UBE2E2: variants seen among roughly 807,000 people sequenced by gnomAD.
UBE2E2 encodes ubiquitin conjugating enzyme E2 E2.
In UBE2E2, 6 loss-of-function variants were observed where a neutral mutation model predicts 24.7. The ratio of observed to expected loss-of-function variants is 0.24; its 90% CI spans 0.13 to 0.48. UBE2E2 has a LOEUF of 0.48. Among genes scored for constraint, UBE2E2 ranks in the 20% least tolerant of loss-of-function variants. The probability of loss-of-function intolerance (pLI) is 0.99; values close to 1 mark genes in which losing one functional copy is unlikely to be tolerated. For synonymous variants in UBE2E2, 104 were observed against 83.6 expected, an observed-to-expected ratio of 1.24 and a Z score of -1.33; for missense variants, 169 against 245.0, an observed-to-expected ratio of 0.69 and a Z score of 2.07.
At chr3:23,455,037 G>GTC (rs1315152216) in intron 3 of UBE2E2, among the ~76,000 whole-genome samples, 5 of 118,772 alleles carry the variant, frequency 4.2e-5, no homozygotes, top group Admixed American at 7.9e-5. Flanking sequence ...CCTAACCCAG[G>GTC]TCTCTGCATG....
At chr3:23,546,622 C>T (rs1333982096) in intron 5 of UBE2E2, among the ~76,000 whole-genome samples, 1 of 151,380 alleles carries the variant, frequency 6.6e-6, no homozygotes, top group East Asian at 1.9e-4. Context: ...TACAGGCATG[C>T]ACCACCACGC....
At chr3:23,554,893 T>C (rs1695738354) in intron 5 of UBE2E2, among the ~76,000 whole-genome samples, 1 of 152,008 alleles carries the variant, frequency 6.6e-6, no homozygotes, top group African/African-American at 2.4e-5. Context: ...AGAAAACATA[T>C]AATCCACTGG....
chr3:23,397,762 A>G (rs899731717), intron 3 of UBE2E2, among the ~76,000 whole-genome samples: 2 of 152,242 alleles, frequency 1.3e-5, no homozygotes, highest in Non-Finnish European at 2.9e-5. Context: ...ACATTTATCT[A>G]TTTCACTGTT....
chr3:23,369,464 A>G (rs1188029333), intron 3 of UBE2E2, among the ~76,000 whole-genome samples: 2 of 152,198 alleles, frequency 1.3e-5, no homozygotes, highest in African/African-American at 4.8e-5. Flanking sequence ...TTGCATTCTT[A>G]AAGCTACCAG....
At chr3:23,346,439 A>C (rs1306203631) in intron 3 of UBE2E2, among the ~76,000 whole-genome samples, 1 of 152,218 alleles carries the variant, frequency 6.6e-6, no homozygotes, top group Non-Finnish European at 1.5e-5. Context: ...CATGACTTTC[A>C]GTAAAATGTA....
At position 23,590,298 on chromosome 3, in the gene UBE2E2, T is replaced by C. The variant is rs752443331; in HGVS notation, c.*467T>C. 18 of 156,350 alleles carry C rather than the reference T, an allele frequency of 1.2e-4. No homozygotes were observed. The highest frequency in any genetic ancestry group is 2.6e-4 in the Non-Finnish European group (18 of 70,366). 9.7% of individuals were successfully genotyped at this position (156,350 alleles called of 1,614,324 possible). ...TCTACTTAAATGTAGTGCTTAGGGT[T>C]AATTTTTTGTACTGAAGTCTTTATT... is the stretch of plus-strand genomic sequence containing the variant. On this transcript the variant is annotated 3_prime_UTR_variant, in exon 6 of 6. Transcript: ENST00000396703.
At chr3:23,342,058 G>C (rs1364322352) in intron 3 of UBE2E2, among the ~76,000 whole-genome samples, 2 of 152,170 alleles carry the variant, frequency 1.3e-5, no homozygotes, top group African/African-American at 4.8e-5. Context: ...TTACAGTGGA[G>C]ACTTTGAAAT....
At chr3:23,245,077 T>C (rs1042157087) in intron 3 of UBE2E2, among the ~76,000 whole-genome samples, 1 of 152,244 alleles carries the variant, frequency 6.6e-6, no homozygotes, top group African/African-American at 2.4e-5. Flanking sequence ...TTTGGGCTTA[T>C]TACGGTCTAG....
chr3:23,523,519 A>G (rs1433055749), intron 4 of UBE2E2, among the ~76,000 whole-genome samples: 1 of 145,256 alleles, frequency 6.9e-6, no homozygotes, highest in Non-Finnish European at 1.5e-5. Context: ...TCACAGCTGG[A>G]TAGGTGTCAT....
intron 3 of UBE2E2, among the ~76,000 whole-genome samples, chr3:23,350,941 C>T (rs1187859719): frequency 2.0e-5 from 3 of 152,128 alleles, no homozygotes; most frequent in East Asian, 3.8e-4. Context: ...TTGTCAGATT[C>T]ACCAAAGTTG....
At chr3:23,541,067 G>C (rs904262835) in intron 5 of UBE2E2, among the ~76,000 whole-genome samples, 1 of 152,218 alleles carries the variant, frequency 6.6e-6, no homozygotes. Context: ...TAATTATTCA[G>C]TAATTGACTT....
At chr3:23,482,836 T>C (rs1056528182) in intron 3 of UBE2E2, among the ~76,000 whole-genome samples, 5 of 152,166 alleles carry the variant, frequency 3.3e-5, no homozygotes, top group African/African-American at 1.2e-4. Flanking sequence ...TTAAAGAAGA[T>C]GATGAATGTG....
intron 3 of UBE2E2, among the ~76,000 whole-genome samples, chr3:23,244,426 G>T (rs920354592): frequency 5.9e-5 from 9 of 152,074 alleles, no homozygotes; most frequent in Non-Finnish European, 1.3e-4. Context: ...TGACTTTTCT[G>T]TATTTGTGTG....
intron 3 of UBE2E2, among the ~76,000 whole-genome samples, chr3:23,492,070 T>C (rs780388140): frequency 1.3e-5 from 2 of 152,170 alleles, no homozygotes; most frequent in Middle Eastern, 3.4e-3. Flanking sequence ...GTGAAGAGAC[T>C]AGGTAGCTGA....
At chr3:23,500,914 A>G (rs1699706819) in intron 4 of UBE2E2, among the ~76,000 whole-genome samples, 1 of 152,316 alleles carries the variant, frequency 6.6e-6, no homozygotes, top group Middle Eastern at 3.4e-3. Context: ...ACTTCTTCCT[A>G]CATTACACAA....
intron 5 of UBE2E2, among the ~76,000 whole-genome samples, chr3:23,543,435 A>G (rs1333024726): frequency 2.0e-5 from 3 of 152,146 alleles, no homozygotes; most frequent in Non-Finnish European, 4.4e-5. Context: ...CTGAGAATCA[A>G]ATCATGAACT....
Position 23,588,747 on chromosome 3 carries a change from C to G in UBE2E2, c.509-987C>G, listed in dbSNP as rs545593132. 5.3e-5 allele frequency among the ~76,000 whole-genome samples: 8 copies of G among 152,300 alleles called. No homozygotes were observed. In the East Asian group the frequency reaches 1.4e-3, roughly 26 times the overall value. ...CTTTCTCCACGTTGGGCAAGAGACT[C>G]AGCCTCCTTATGCTCCAATTTCCTC... is the stretch of plus-strand genomic sequence containing the variant. On this transcript the variant is annotated intron_variant, in intron 5 of 5. Coordinates refer to ENST00000396703, the MANE Select transcript of UBE2E2 (RefSeq NM_152653.4).
At chr3:23,253,028 A>G (rs1297370886) in intron 3 of UBE2E2, among the ~76,000 whole-genome samples, 1 of 152,216 alleles carries the variant, frequency 6.6e-6, no homozygotes, top group African/African-American at 2.4e-5. Flanking sequence ...CATGTGAAAG[A>G]TACTGAAATA....
At chr3:23,382,368 G>A (rs1696695503) in intron 3 of UBE2E2, among the ~76,000 whole-genome samples, 1 of 151,914 alleles carries the variant, frequency 6.6e-6, no homozygotes, top group African/African-American at 2.4e-5. Context: ...TTTTAGTACA[G>A]AGGGGGTTTT....
Sources: allele counts gnomAD v4.1 joint callset (sites outside exome capture counted in the v4.1 genomes callset), GRCh38; gene constraint gnomAD v4.1.1; transcripts MANE v1.5; gene names NCBI Gene and HGNC (gene_info 2026-07-23, HGNC 2026-07-21).